Variants in ZNF627 observed in about 807,000 individuals in gnomAD.
ZNF627 encodes the protein zinc finger protein 627.
A neutral mutation model predicts 10.6 loss-of-function variants in ZNF627; 12 were observed. The observed-to-expected ratio is 1.13, with a 90% CI of 0.73 to 1.84. The LOEUF (loss-of-function observed/expected upper bound fraction) is 1.84, where lower values mean the gene tolerates loss of function less well. Ranked by LOEUF, ZNF627 falls within the 40% of genes most tolerant of loss-of-function variation. ZNF627 has a pLI of 0.00. For missense variants in ZNF627, 504 were observed against 568.4 expected, an observed-to-expected ratio of 0.89 and a Z score of 1.15; for synonymous variants, 176 against 187.1, an observed-to-expected ratio of 0.94 and a Z score of 0.48.
At chr19:11,604,983 C>T (rs528979217) in intron 1 of ZNF627, among the ~76,000 whole-genome samples, 1 of 152,050 alleles carries the variant, frequency 6.6e-6, no homozygotes, top group African/African-American at 2.4e-5. Flanking sequence ...CAGGCCAGTG[C>T]CAAGCCCTAG....
chr19:11,606,144 A>C (rs999419057), intron 1 of ZNF627, among the ~76,000 whole-genome samples: 2 of 152,070 alleles, frequency 1.3e-5, no homozygotes, highest in African/African-American at 4.8e-5. Context: ...GATCAAGACC[A>C]TCCTGGCTAA....
At chr19:11,597,706 G>C (rs1396375857) in intron 1 of ZNF627, 76 bp downstream of exon 1, 1 of 1,302,086 alleles carries the variant, frequency 7.7e-7, no homozygotes, top group East Asian at 2.8e-5. Context: ...GCTGTGGAGG[G>C]ACCTAGGCCT....
At chr19:11,609,475 A>T (rs1341995534) in intron 1 of ZNF627, among the ~76,000 whole-genome samples, 1 of 7,108 alleles carries the variant, frequency 1.4e-4, no homozygotes. Flanking sequence ...AAAATTTTAT[A>T]TATATATATA....
intron 1 of ZNF627, among the ~76,000 whole-genome samples, chr19:11,604,881 A>AAC (rs1478442753): frequency 1.1e-4 from 17 of 152,170 alleles, no homozygotes; most frequent in African/African-American, 4.1e-4. Context: ...GTTGGGTCTC[A>AAC]TAGGTGGGAG....
At position 11,616,905 on chromosome 19, in the gene ZNF627, T is replaced by C; in HGVS notation, c.402T>C (p.Tyr134=). ...GTGAACCAAATGAATATCAGGAATATGGAAAGAAGTCATATACACGTAACC... is the reference window on the plus strand; with the variant it reads ...GTGAACCAAATGAATATCAGGAATACGGAAAGAAGTCATATACACGTAACC... ...TGREPNEYQE[Y]GKKSYTRNQC... Residue 134 remains tyrosine, a synonymous_variant, in exon 4 of 4, where the codon TAT becomes TAC. Transcript: ENST00000361113. 6.2e-7 allele frequency: 1 copy of C among 1,614,118 alleles called. No homozygotes were observed. Among genetic ancestry groups the C allele is most frequent in the South Asian group, 1.1e-5 (1 of 91,080 alleles).
Position 11,618,144 on chromosome 19 carries a change from C to T in ZNF627, c.*255C>T, listed in dbSNP as rs1973912389. 2.4e-6 allele frequency: 1 copy of T among 414,604 alleles called. No homozygotes were observed. Among genetic ancestry groups the T allele is most frequent in the Non-Finnish European group, 4.2e-6 (1 of 236,028 alleles). 25.7% of individuals were successfully genotyped at this position (414,604 alleles called of 1,614,324 possible). On this transcript the variant is annotated 3_prime_UTR_variant, in exon 4 of 4. Transcript: ENST00000361113. ...CCAGAATCCATTCCATTTGTGATTC[C>T]ATGATACAATTCACCAGTAACCTAT... is the stretch of plus-strand genomic sequence containing the variant.
intron 1 of ZNF627, among the ~76,000 whole-genome samples, chr19:11,610,396 C>CTT (rs1973753730): frequency 6.6e-6 from 1 of 151,912 alleles, no homozygotes; most frequent in Non-Finnish European, 1.5e-5. Flanking sequence ...TTTTTGTTTA[C>CTT]TTTATGACAT....
chr19:11,617,550 A>G lies in ZNF627; in HGVS notation c.1047A>G (p.Ser349=). The G allele has an allele frequency of 6.2e-7, 1 of 1,612,258 alleles. No homozygotes were observed. The highest frequency in any genetic ancestry group is 8.5e-7 in the Non-Finnish European group (1 of 1,179,604). The change falls in exon 4 of 4, where the codon TCA becomes TCG. Residue 349 remains serine (S), a synonymous_variant. Coordinates refer to ENST00000361113, the MANE Select transcript of ZNF627 (RefSeq NM_145295.4). ...VCGKAFDFPS[S]FRIHERTHTG... ...GGAAAGCCTTTGATTTCCCCAGTTC[A>G]TTTCGAATCCATGAAAGGACCCACA...
chr19:11,615,521 G>A (rs1000026116), intron 3 of ZNF627, among the ~76,000 whole-genome samples: 8 of 148,260 alleles, frequency 5.4e-5, no homozygotes, highest in African/African-American at 2.0e-4. Context: ...GGAGAACGGC[G>A]TGAATTGGGA....
At chr19:11,600,690 C>T (rs1289424304) in intron 1 of ZNF627, among the ~76,000 whole-genome samples, 1 of 152,208 alleles carries the variant, frequency 6.6e-6, no homozygotes, top group Non-Finnish European at 1.5e-5. Flanking sequence ...ATCAATTCCT[C>T]TGCTTTGCAG....
At position 11,617,130 on chromosome 19, in the gene ZNF627, A is replaced by G; in HGVS notation, c.627A>G (p.Leu209=). The stretch of plus-strand genomic sequence containing the variant: ...GGAAAGCCTTTGATTATCCCAGTTT[A>G]TTTCGTATACATGAAAGAAGTCACA... ...VCGKAFDYPS[L]FRIHERSHTG... The change falls in exon 4 of 4, where the codon TTA becomes TTG. Residue 209 remains leucine, a synonymous_variant. Transcript: ENST00000361113. The G allele has an allele frequency of 6.2e-7, 1 of 1,613,908 alleles. No individual in the cohort carries two copies. Among genetic ancestry groups the G allele is most frequent in the Non-Finnish European group, 8.5e-7 (1 of 1,179,978 alleles).
intron 1 of ZNF627, among the ~76,000 whole-genome samples, chr19:11,601,788 A>G (rs1227619697): frequency 6.6e-6 from 1 of 151,736 alleles, no homozygotes; most frequent in Admixed American, 6.6e-5. Context: ...TGGGTGGATC[A>G]CAATGTTAGG....
chr19:11,598,630 T>G (rs879649222), intron 1 of ZNF627, among the ~76,000 whole-genome samples: 1 of 152,198 alleles, frequency 6.6e-6, no homozygotes, highest in Admixed American at 6.5e-5. Flanking sequence ...TTGATACCAC[T>G]TCTTTCACCA....
In ZNF627 at chr19:11,597,819, C is replaced by G. The variant is rs1333904018; in HGVS notation, c.3+189C>G. On this transcript the variant is annotated intron_variant, in intron 1 of 3. Transcript: ENST00000361113. The stretch of plus-strand genomic sequence containing the variant: ...GTCGTCCTGTCCCGTCCCTGCGCGA[C>G]GCCTGCGGCCCCGCAGCCCCGCGTC... Among the ~76,000 whole-genome samples, 3 of 152,330 alleles carry G rather than the reference C, an allele frequency of 2.0e-5. No individual in the cohort carries two copies. In the East Asian group the frequency reaches 5.8e-4, roughly 29 times the overall value.
chr19:11,612,205 C>T (rs1973783284), intron 1 of ZNF627, among the ~76,000 whole-genome samples: 1 of 145,542 alleles, frequency 6.9e-6, no homozygotes, highest in Non-Finnish European at 1.5e-5. Flanking sequence ...ACTGCAAGCT[C>T]CACCTCCCGG....
rs1397329978 is a variant in ZNF627 at position 11,617,943 on chromosome 19, C to A, written c.*54C>A. 1.4e-6 allele frequency: 2 copies of A among 1,410,500 alleles called. No homozygotes were observed. The highest frequency in any genetic ancestry group is 1.9e-6 in the Non-Finnish European group (2 of 1,057,802). The allele number at this position is 1,410,500 out of a possible 1,614,324, so 87.4% of individuals were successfully genotyped here. On this transcript the variant is annotated 3_prime_UTR_variant, in exon 4 of 4. Coordinates refer to ENST00000361113, the MANE Select transcript of ZNF627 (RefSeq NM_145295.4). The stretch of plus-strand genomic sequence containing the variant: ...CATGAAAGTAAGAAATTTGGGAAAG[C>A]CTTCAGTCCTTTCTGTTTCTTTCAA...
chr19:11,617,815 GA>G lies in ZNF627; in HGVS notation c.1318del (p.Ile440PhefsTer95), dbSNP rs761625862. The G allele has an allele frequency of 1.2e-6, 2 of 1,607,782 alleles. No individual in the cohort carries two copies. The highest frequency in any genetic ancestry group is 1.7e-4 in the Middle Eastern group (1 of 6,052). ...FSRSTYFRVH[E>X]KIHTGEKPYE... ...TCGATCCACTTACTTTCGAGTACAT[GA>G]AAAAATTCATACTGGAGAGAAACCC... On this transcript the variant is annotated frameshift_variant, in exon 4 of 4. Transcript: ENST00000361113. LOFTEE classifies it low-confidence loss of function (END_TRUNC).
intron 1 of ZNF627, among the ~76,000 whole-genome samples, chr19:11,605,981 A>T (rs544981292): frequency 2.7e-4 from 41 of 152,316 alleles, no homozygotes; most frequent in African/African-American, 8.9e-4. Flanking sequence ...TGGCCAAAAC[A>T]AAGGGGCTAG....
At position 11,605,084 on chromosome 19, in the gene ZNF627, T is replaced by TTC. The variant is rs1017085666; in HGVS notation, c.3+7455_3+7456insCT. Among the ~76,000 whole-genome samples the TTC allele has an allele frequency of 6.7e-5, 9 of 135,072 alleles. No individual in the cohort carries two copies. In the South Asian group the frequency reaches 1.7e-3, roughly 25 times the overall value. The allele number at this position is 135,072 out of a possible 152,430, so 88.6% of individuals were successfully genotyped here. A position where few individuals can be genotyped will look rare whatever the true frequency, so the allele number is the denominator to read the frequency against. ...CAGCCTAGTTTTTCTTTCTTTCTTT[T>TTC]TTTTTTTTTTTTTTTTTGAGATGGA... On this transcript the variant is annotated intron_variant, in intron 1 of 3. Coordinates refer to ENST00000361113, the MANE Select transcript of ZNF627 (RefSeq NM_145295.4).
Sources: allele counts gnomAD v4.1 joint callset (sites outside exome capture counted in the v4.1 genomes callset), GRCh38; gene constraint gnomAD v4.1.1; transcripts MANE v1.5; gene names NCBI Gene and HGNC (gene_info 2026-07-23, HGNC 2026-07-21).